CPQ: variants seen among roughly 807,000 people sequenced by gnomAD.
CPQ encodes carboxypeptidase Q.
CPQ carries 37 observed loss-of-function variants against 45.7 expected under a neutral mutation model. The ratio of observed to expected loss-of-function variants is 0.81; its 90% CI spans 0.62 to 1.07. The LOEUF (loss-of-function observed/expected upper bound fraction) is 1.07. CPQ is among the 50% of genes least tolerant of loss of function. CPQ has a pLI of 0.00. For missense variants in CPQ, 537 were observed against 572.9 expected (o/e 0.94, Z 0.64); for synonymous variants, 186 against 205.8 (o/e 0.90, Z 0.82).
chr8:96,888,975 A>G (rs553305387), intron 4 of CPQ, among the ~76,000 whole-genome samples: 74 of 152,312 alleles, frequency 4.9e-4, no homozygotes, highest in Admixed American at 4.1e-3. Flanking sequence ...TAAAATTTGC[A>G]TCCTGTCTCT....
At chr8:96,955,545 A>G (rs944029117) in intron 4 of CPQ, among the ~76,000 whole-genome samples, 1 of 152,168 alleles carries the variant, frequency 6.6e-6, no homozygotes, top group African/African-American at 2.4e-5. Context: ...TATAGAACCA[A>G]AAAAGAGCCT....
intron 3 of CPQ, among the ~76,000 whole-genome samples, chr8:96,840,222 G>A (rs866704656): frequency 1.2e-4 from 18 of 152,142 alleles, no homozygotes; most frequent in Admixed American, 2.0e-4. Context: ...TGATATATTT[G>A]GGTAAAACAC....
chr8:97,035,852 C>T (rs1038677477), intron 6 of CPQ, among the ~76,000 whole-genome samples: 1 of 152,074 alleles, frequency 6.6e-6, no homozygotes, highest in Non-Finnish European at 1.5e-5. Context: ...GGACTACAGG[C>T]GCCCGCCACC....
chr8:96,694,902 A>G (rs537651981), intron 1 of CPQ, among the ~76,000 whole-genome samples: 2 of 152,276 alleles, frequency 1.3e-5, no homozygotes, highest in African/African-American at 4.8e-5. Flanking sequence ...AGTCATTGGT[A>G]GCTTGATGAG....
intron 1 of CPQ, among the ~76,000 whole-genome samples, chr8:96,700,604 A>C (rs1176048651): frequency 6.6e-6 from 1 of 152,210 alleles, no homozygotes; most frequent in African/African-American, 2.4e-5. Flanking sequence ...AAAGACCACC[A>C]GCATCAGAAA....
chr8:97,101,787 A>G (rs1170079678), intron 7 of CPQ, among the ~76,000 whole-genome samples: 1 of 152,032 alleles, frequency 6.6e-6, no homozygotes. Context: ...GGCTGCAAAT[A>G]TATAAGGGCA....
intron 1 of CPQ, among the ~76,000 whole-genome samples, chr8:96,669,437 A>G (rs56702968): frequency 9.7e-4 from 148 of 152,314 alleles, no homozygotes; most frequent in African/African-American, 3.4e-3. Flanking sequence ...TTGATGAGGC[A>G]GTGACACCTC....
intron 5 of CPQ, among the ~76,000 whole-genome samples, chr8:97,020,709 C>T (rs1809663098): frequency 6.6e-6 from 1 of 151,944 alleles, no homozygotes; most frequent in African/African-American, 2.4e-5. Context: ...CAAAAACAAG[C>T]AGCAAGATTG....
chr8:96,891,114 A>G (rs779562171), intron 4 of CPQ, among the ~76,000 whole-genome samples: 1 of 152,236 alleles, frequency 6.6e-6, no homozygotes, highest in Non-Finnish European at 1.5e-5. Context: ...TTCCATGAGC[A>G]TGCACACATT....
chr8:96,788,896 T>C (rs1810811302), intron 2 of CPQ, among the ~76,000 whole-genome samples: 1 of 152,130 alleles, frequency 6.6e-6, no homozygotes, highest in South Asian at 2.1e-4. Context: ...TTTCTTCTAT[T>C]AGCTTAAAGC....
intron 4 of CPQ, among the ~76,000 whole-genome samples, chr8:96,883,677 G>A (rs1812261131): frequency 1.3e-5 from 2 of 152,162 alleles, no homozygotes; most frequent in South Asian, 4.1e-4. Flanking sequence ...CCCTCTGCAG[G>A]TGTTAAGTTG....
intron 1 of CPQ, among the ~76,000 whole-genome samples, chr8:96,739,191 T>G (rs1481443339): frequency 6.8e-6 from 1 of 147,976 alleles, no homozygotes; most frequent in Non-Finnish European, 1.5e-5. Context: ...TGGTTTTGAT[T>G]TGCATTTCTC....
intron 5 of CPQ, among the ~76,000 whole-genome samples, chr8:97,017,360 C>A (rs956901909): frequency 1.3e-5 from 2 of 152,168 alleles, no homozygotes; most frequent in African/African-American, 4.8e-5. Flanking sequence ...GAGAAGGAAA[C>A]CTCCAGCTGA....
At chr8:96,999,563 C>G (rs117595414) in intron 5 of CPQ, among the ~76,000 whole-genome samples, 1,906 of 152,142 alleles carry the variant, frequency 0.013, 18 homozygotes, top group Non-Finnish European at 0.021. Flanking sequence ...CTGCAAAGAA[C>G]ATGATCTCGT....
At chr8:96,886,739 C>T (rs1315739130) in intron 4 of CPQ, among the ~76,000 whole-genome samples, 1 of 152,142 alleles carries the variant, frequency 6.6e-6, no homozygotes, top group South Asian at 2.1e-4. Context: ...CTGGGCATGC[C>T]TTAGTTGAAT....
At chr8:96,942,324 G>C (rs1813135257) in intron 4 of CPQ, among the ~76,000 whole-genome samples, 1 of 152,144 alleles carries the variant, frequency 6.6e-6, no homozygotes, top group Non-Finnish European at 1.5e-5. Context: ...ACAATTGTTT[G>C]TATGTAATGC....
intron 7 of CPQ, among the ~76,000 whole-genome samples, chr8:97,100,910 C>T (rs1001730053): frequency 9.2e-5 from 14 of 151,964 alleles, no homozygotes; most frequent in Admixed American, 7.9e-4. Flanking sequence ...TTTAGTACTC[C>T]TAAGTATTAG....
chr8:97,007,609 C>A (rs1284093179), intron 5 of CPQ, among the ~76,000 whole-genome samples: 1 of 152,110 alleles, frequency 6.6e-6, no homozygotes, highest in Non-Finnish European at 1.5e-5. Context: ...TCTAAAATGA[C>A]AAATGTGTGT....
At chr8:96,656,897 C>G (rs924621968) in intron 1 of CPQ, among the ~76,000 whole-genome samples, 1 of 152,160 alleles carries the variant, frequency 6.6e-6, no homozygotes, top group South Asian at 2.1e-4. Context: ...TTGTTTATAC[C>G]TAACCCAGGA....
Sources: gnomAD v4.1 joint callset for allele counts (sites outside exome capture counted in the v4.1 genomes callset) on GRCh38, gnomAD v4.1.1 for gene constraint, MANE v1.5 for transcripts, NCBI Gene and HGNC (gene_info 2026-07-23, HGNC 2026-07-21) for gene names.